The following CDH18 variants were observed in gnomAD, a reference collection of about 807,000 sequenced individuals.
The protein encoded by CDH18 is cadherin 18.
CDH18 carries 31 observed loss-of-function variants against 67.9 expected under a neutral mutation model. The observed-to-expected ratio is 0.46, with a 90% CI of 0.34 to 0.62. The LOEUF is 0.62. Among genes scored for constraint, CDH18 ranks in the 20% least tolerant of loss-of-function variants. The pLI is 0.01. For missense variants in CDH18, 890 were observed against 975.5 expected, an observed-to-expected ratio of 0.91 and a Z score of 1.17; for synonymous variants, 362 against 347.2, an observed-to-expected ratio of 1.04 and a Z score of -0.48.
chr5:19,483,313 G>T lies in CDH18; in HGVS notation c.1870C>A (p.Leu624Ile), dbSNP rs772538318. The T allele has an allele frequency of 1.9e-5, 31 of 1,612,998 alleles. No homozygotes were observed. The East Asian group carries it at 6.7e-4, about 35-fold the overall frequency. Residue 624 changes from leucine (L) to isoleucine (I), a missense_variant, in exon 12 of 13, where the codon CTC becomes ATC. Physicochemically the swap from Leu to Ile is conservative, Grantham distance 5. This residue lies in a region of CDH18 where 656 missense variants were observed against 668.1 expected (regional missense o/e 0.98). Coordinates refer to ENST00000382275, the MANE Select transcript of CDH18 (RefSeq NM_004934.5). ...GALIAILLCV[L>I]ILLAIVVLFI... is the part of the protein sequence containing the mutation. ...TAGAATGACTTACCCAGGAGAATGA[G>T]AACACAGAGAAGAATAGCGATTAAG...
At chr5:19,518,281 A>G (rs1746345755) in intron 10 of CDH18, among the ~76,000 whole-genome samples, 1 of 152,198 alleles carries the variant, frequency 6.6e-6, no homozygotes, top group African/African-American at 2.4e-5. Context: ...GGAAATGTTA[A>G]ATTAATTAAG....
At chr5:20,461,949 A>G (rs1751294199) in intron 1 of CDH18, among the ~76,000 whole-genome samples, 1 of 152,154 alleles carries the variant, frequency 6.6e-6, no homozygotes, top group Admixed American at 6.6e-5. Context: ...CACTATGAAA[A>G]ACAGTATAAA....
chr5:19,962,225 C>T (rs1426887677), intron 2 of CDH18, among the ~76,000 whole-genome samples: 16 of 151,178 alleles, frequency 1.1e-4, no homozygotes, highest in Non-Finnish European at 4.4e-5. Context: ...CTCTATTTCT[C>T]ATATTTTACA....
chr5:20,452,020 A>G (rs78874761), intron 1 of CDH18, among the ~76,000 whole-genome samples: 1 of 152,290 alleles, frequency 6.6e-6, no homozygotes, highest in African/African-American at 2.4e-5. Context: ...TATACCATCA[A>G]TGATATTCAG....
intron 2 of CDH18, among the ~76,000 whole-genome samples, chr5:19,870,451 A>C (rs1786129289): frequency 6.6e-6 from 1 of 152,096 alleles, no homozygotes; most frequent in Non-Finnish European, 1.5e-5. Context: ...GAGTGCACTT[A>C]ATGTCACCTT....
intron 2 of CDH18, among the ~76,000 whole-genome samples, chr5:20,153,249 G>GA (rs1254101998): frequency 1.3e-5 from 2 of 151,986 alleles, no homozygotes; most frequent in Non-Finnish European, 2.9e-5. Context: ...TGATTCTTGT[G>GA]AATCAGAGGT....
chr5:20,302,869 C>T (rs750983073), intron 1 of CDH18, among the ~76,000 whole-genome samples: 1 of 152,172 alleles, frequency 6.6e-6, no homozygotes, highest in Non-Finnish European at 1.5e-5. Flanking sequence ...TTCTGTATCT[C>T]ATTCATGTGC....
intron 1 of CDH18, among the ~76,000 whole-genome samples, chr5:20,332,644 A>G (rs1221622678): frequency 6.6e-6 from 1 of 152,246 alleles, no homozygotes; most frequent in East Asian, 1.9e-4. Flanking sequence ...CCTAAAACAT[A>G]TTTCTAGTAA....
intron 9 of CDH18, among the ~76,000 whole-genome samples, chr5:19,542,382 A>G (rs2127070238): frequency 6.6e-6 from 1 of 152,350 alleles, no homozygotes; most frequent in South Asian, 2.1e-4. Context: ...TCAAGTGGCT[A>G]CACATAAGAG....
At chr5:20,139,266 T>C (rs143673078) in intron 2 of CDH18, among the ~76,000 whole-genome samples, 7,421 of 152,204 alleles carry the variant, frequency 0.049, 262 homozygotes, top group East Asian at 0.15. Context: ...TAGCCATATG[T>C]AGAAAGTTGA....
intron 1 of CDH18, among the ~76,000 whole-genome samples, chr5:20,385,403 A>G (rs1315192559): frequency 6.6e-6 from 1 of 152,092 alleles, no homozygotes; most frequent in Non-Finnish European, 1.5e-5. Flanking sequence ...CCTCACTTCC[A>G]AAATATCTAC....
intron 1 of CDH18, among the ~76,000 whole-genome samples, chr5:20,407,643 C>T (rs1275032825): frequency 6.6e-6 from 1 of 151,510 alleles, no homozygotes; most frequent in African/African-American, 2.4e-5. Context: ...CAGTAGCAGA[C>T]TAGATTAAAC....
intron 2 of CDH18, among the ~76,000 whole-genome samples, chr5:20,241,914 TAGTC>T (rs1445174970): frequency 9.4e-6 from 1 of 106,552 alleles, no homozygotes; most frequent in Non-Finnish European, 1.9e-5. Flanking sequence ...ATATATTGCT[TAGTC>T]AGAGGCACTG....
At chr5:20,468,295 C>T (rs4466173) in intron 1 of CDH18, among the ~76,000 whole-genome samples, 12,675 of 152,214 alleles carry the variant, frequency 0.083, 1,703 homozygotes, top group African/African-American at 0.28. Flanking sequence ...GGATTACAGG[C>T]ATGAGCTGCC....
intron 4 of CDH18, among the ~76,000 whole-genome samples, chr5:19,735,865 TA>T (rs1268583309): frequency 6.6e-6 from 1 of 152,204 alleles, no homozygotes; most frequent in Non-Finnish European, 1.5e-5. Context: ...CATGCATATA[TA>T]CATACACTAA....
intron 1 of CDH18, among the ~76,000 whole-genome samples, chr5:20,547,011 C>T (rs1301003847): frequency 6.6e-6 from 1 of 152,090 alleles, no homozygotes; most frequent in Non-Finnish European, 1.5e-5. Flanking sequence ...TATTCCTACA[C>T]ACGCTGTCTA....
chr5:19,884,825 C>T (rs1788029885), intron 2 of CDH18, among the ~76,000 whole-genome samples: 2 of 152,008 alleles, frequency 1.3e-5, no homozygotes, highest in African/African-American at 4.8e-5. Flanking sequence ...TAAACAGTCA[C>T]TCTTTCTCTT....
chr5:20,570,228 A>C (rs1416621333), intron 1 of CDH18, among the ~76,000 whole-genome samples: 1 of 152,180 alleles, frequency 6.6e-6, no homozygotes, highest in Non-Finnish European at 1.5e-5. Context: ...CAACAAATAT[A>C]CCACACTAAT....
chr5:20,201,954 A>G (rs1401257835), intron 2 of CDH18, among the ~76,000 whole-genome samples: 4 of 152,218 alleles, frequency 2.6e-5, no homozygotes, highest in Admixed American at 2.6e-4. Flanking sequence ...AAAATTTGAA[A>G]TTGATTCCAG....
Sources: allele counts gnomAD v4.1 joint callset (sites outside exome capture counted in the v4.1 genomes callset), GRCh38; gene constraint gnomAD v4.1.1; regional missense constraint gnomAD v4.1.1; transcripts MANE v1.5; gene names NCBI Gene and HGNC (gene_info 2026-07-23, HGNC 2026-07-21).